GBP7: variants seen among roughly 807,000 people sequenced by gnomAD.
The protein encoded by GBP7 is guanylate-binding protein 7.
In GBP7, 43 loss-of-function variants were observed where a neutral mutation model predicts 61.3. The observed-to-expected ratio is 0.70, with a 90% CI of 0.55 to 0.91. The LOEUF (loss-of-function observed/expected upper bound fraction) is 0.91. GBP7 is among the 40% of genes least tolerant of loss of function. GBP7 has a pLI of 0.00. For missense variants in GBP7, 717 were observed against 740.5 expected (o/e 0.97, Z 0.37); for synonymous variants, 267 against 271.0 (o/e 0.99, Z 0.14).
intron 1 of GBP7, among the ~76,000 whole-genome samples, chr1:89,174,283 G>T (rs1647682412): frequency 6.6e-6 from 1 of 152,148 alleles, no homozygotes; most frequent in Admixed American, 6.5e-5. Context: ...CAACGGGATT[G>T]CTTGGTCAAA....
At position 89,132,011 on chromosome 1, in the gene GBP7, G is replaced by A. The variant is rs1442341401; in HGVS notation, c.*138C>T. The A allele has an allele frequency of 1.8e-6, 1 of 560,214 alleles. No individual in the cohort carries two copies. Among genetic ancestry groups the A allele is most frequent in the East Asian group, 3.1e-5 (1 of 32,400 alleles). 34.7% of individuals were successfully genotyped at this position (560,214 alleles called of 1,614,324 possible). ...TAATTATTACTTTAGTCAAAATTAA[G>A]TTTGTTTTTATGAACTTCAGGCCAT... On this transcript the variant is annotated 3_prime_UTR_variant, in exon 11 of 11. Transcript: ENST00000294671.
rs892234517 is a variant in GBP7 at position 89,172,023 on chromosome 1, A to T, written c.-19-69T>A. 10 of 1,071,078 alleles carry T rather than the reference A, an allele frequency of 9.3e-6. No homozygotes were observed. The Admixed American group carries it at 2.1e-4, about 23-fold the overall frequency. The allele number at this position is 1,071,078 out of a possible 1,614,324, so 66.3% of individuals were successfully genotyped here. A position where few individuals can be genotyped will look rare whatever the true frequency, so the allele number is the denominator to read the frequency against. ...GTTGAGCTGAAATCTATAATAGGGC[A>T]TAAATCTTTGTTTTCTATTCTTGAA... On this transcript the variant is annotated intron_variant, in intron 1 of 10. Coordinates refer to ENST00000294671, the MANE Select transcript of GBP7 (RefSeq NM_207398.3).
At chr1:89,141,775 A>G (rs1681957735) in intron 8 of GBP7, 127 bp from the exon 9 acceptor site, 1 of 712,370 alleles carries the variant, frequency 1.4e-6, no homozygotes, top group East Asian at 2.8e-5. Flanking sequence ...AAGATTCCAC[A>G]GTGGTTTCTT....
intron 9 of GBP7, among the ~76,000 whole-genome samples, chr1:89,136,148 C>G (rs989660069): frequency 6.6e-6 from 1 of 152,076 alleles, no homozygotes; most frequent in African/African-American, 2.4e-5. Flanking sequence ...TACTAGAGGA[C>G]CCTAGATTCA....
At chr1:89,170,463 C>T (rs1267344978) in intron 2 of GBP7, among the ~76,000 whole-genome samples, 1 of 152,182 alleles carries the variant, frequency 6.6e-6, no homozygotes, top group Non-Finnish European at 1.5e-5. Flanking sequence ...CCCACTCCTT[C>T]CCAACCTCCT....
chr1:89,172,017 T>C, intron 1 of GBP7, 63 bp from the exon 2 acceptor site: 2 of 1,113,342 alleles, frequency 1.8e-6, no homozygotes, highest in Non-Finnish European at 2.6e-6. Context: ...AAATCTATAA[T>C]AGGGCATAAA....
At chr1:89,174,443 A>G (rs1647685589) in intron 1 of GBP7, among the ~76,000 whole-genome samples, 1 of 152,190 alleles carries the variant, frequency 6.6e-6, no homozygotes, top group South Asian at 2.1e-4. Context: ...ATTAATTACA[A>G]AATTTCCTTT....
intron 2 of GBP7, among the ~76,000 whole-genome samples, chr1:89,168,724 C>T (rs1040109467): frequency 2.6e-5 from 4 of 152,028 alleles, no homozygotes; most frequent in African/African-American, 9.7e-5. Flanking sequence ...CACCTGAGGT[C>T]AGGAGTTCAA....
intron 2 of GBP7, among the ~76,000 whole-genome samples, chr1:89,170,947 C>T (rs1248240319): frequency 6.6e-6 from 1 of 152,190 alleles, no homozygotes; most frequent in Non-Finnish European, 1.5e-5. Flanking sequence ...TCCCCACCTG[C>T]AATATGATCC....
At chr1:89,138,717 T>C (rs1681868459) in intron 9 of GBP7, among the ~76,000 whole-genome samples, 1 of 152,030 alleles carries the variant, frequency 6.6e-6, no homozygotes, top group Non-Finnish European at 1.5e-5. Context: ...AATTTAAAAC[T>C]ATAAAACCAC....
chr1:89,133,194 G>A, intron 10 of GBP7, 64 bp downstream of exon 10: 1 of 1,230,854 alleles, frequency 8.1e-7, no homozygotes, highest in Non-Finnish European at 1.2e-6. Context: ...TAAAATTTTG[G>A]CTCTTCCCTA....
At position 89,131,949 on chromosome 1, in the gene GBP7, G is replaced by T; in HGVS notation, c.*200C>A. On this transcript the variant is annotated 3_prime_UTR_variant, in exon 11 of 11. Coordinates refer to ENST00000294671, the MANE Select transcript of GBP7 (RefSeq NM_207398.3). ...TTTGCTTTACTTAAATCTTTTCTAGGAATAATTTTATCTTCTAACTTGTTC... is the reference window on the plus strand; with the variant it reads ...TTTGCTTTACTTAAATCTTTTCTAGTAATAATTTTATCTTCTAACTTGTTC... 2.3e-6 allele frequency: 1 copy of T among 425,736 alleles called. No individual in the cohort carries two copies. The highest frequency in any genetic ancestry group is 4.1e-6 in the Non-Finnish European group (1 of 242,688). The allele number at this position is 425,736 out of a possible 1,614,324, so 26.4% of individuals were successfully genotyped here.
chr1:89,164,988 C>T (rs1156974481), intron 2 of GBP7, 130 bp from the exon 3 acceptor site: 12 of 819,034 alleles, frequency 1.5e-5, no homozygotes, highest in African/African-American at 1.7e-5. Flanking sequence ...TCAGCAAAGA[C>T]AATCAATCAA....
In GBP7 at chr1:89,131,971, G is replaced by A. The variant is rs41288379; in HGVS notation, c.*178C>T. On this transcript the variant is annotated 3_prime_UTR_variant, in exon 11 of 11. Coordinates refer to ENST00000294671, the MANE Select transcript of GBP7 (RefSeq NM_207398.3). ...TAGGAATAATTTTATCTTCTAACTT[G>A]TTCCCCATTTCTATTAATTATTACT... 12,056 of 464,710 alleles carry A rather than the reference G, an allele frequency of 0.026. 217 individuals are homozygous for A. Among genetic ancestry groups the A allele is most frequent in the Non-Finnish European group, 0.032 (8,453 of 266,664 alleles). The allele number at this position is 464,710 out of a possible 1,614,324, so 28.8% of individuals were successfully genotyped here.
intron 8 of GBP7, 77 bp downstream of exon 8, chr1:89,147,490 C>T: frequency 4.4e-6 from 5 of 1,132,264 alleles, no homozygotes; most frequent in Non-Finnish European, 6.6e-6. Context: ...GTGCTGTGTT[C>T]TTAGATTTTC....
Position 89,133,321 on chromosome 1 carries a change from C to T in GBP7, c.1599G>A (p.Lys533=), listed in dbSNP as rs571294599. 6.7e-5 allele frequency: 108 copies of T among 1,613,992 alleles called. 1 individual carries two copies. In the South Asian group the frequency reaches 1.1e-3, roughly 16 times the overall value. The change falls in exon 10 of 11, where the codon AAG becomes AAA. Residue 533 remains lysine, a synonymous_variant. Coordinates refer to ENST00000294671, the MANE Select transcript of GBP7 (RefSeq NM_207398.3). ...FQENIAQLKK[K]MERERENYMR... Reference sequence around the variant, plus strand: ...TATAGTTTTCCCTTTCCCTCTCCATCTTCTTCTTGAGTTGAGCTATGTTTT... The same window carrying T: ...TATAGTTTTCCCTTTCCCTCTCCATTTTCTTCTTGAGTTGAGCTATGTTTT...
intron 9 of GBP7, among the ~76,000 whole-genome samples, chr1:89,133,730 G>C (rs990622993): frequency 1.3e-5 from 2 of 152,164 alleles, no homozygotes; most frequent in African/African-American, 4.8e-5. Flanking sequence ...TGGGGAAGGG[G>C]TGAGGTAAAT....
chr1:89,145,553 G>C lies in GBP7; in HGVS notation c.1365+2014C>G, dbSNP rs571231376. Among the ~76,000 whole-genome samples, 5 of 152,176 alleles carry C rather than the reference G, an allele frequency of 3.3e-5. No homozygotes were observed. In the South Asian group the frequency reaches 8.3e-4, roughly 25 times the overall value. ...AACATGGGAGTGAAAATATCTCTTTGAGATAGTGACTTTAGTTCCTTTGGA... is the reference window on the plus strand; with the variant it reads ...AACATGGGAGTGAAAATATCTCTTTCAGATAGTGACTTTAGTTCCTTTGGA... On this transcript the variant is annotated intron_variant, in intron 8 of 10. Transcript: ENST00000294671.
chr1:89,146,898 C>T (rs1682080394), intron 8 of GBP7, among the ~76,000 whole-genome samples: 1 of 152,128 alleles, frequency 6.6e-6, no homozygotes, highest in African/African-American at 2.4e-5. Flanking sequence ...ACAGTTTCTT[C>T]AAAAAGGAAA....
Sources: gnomAD v4.1 joint callset for allele counts (sites outside exome capture counted in the v4.1 genomes callset) on GRCh38, gnomAD v4.1.1 for gene constraint, MANE v1.5 for transcripts, NCBI Gene and HGNC (gene_info 2026-07-23, HGNC 2026-07-21) for gene names.